Variants in FBXL17 observed in about 807,000 individuals in gnomAD.
The protein encoded by FBXL17 is F-box/LRR-repeat protein 17.
Under a neutral mutation model 66.2 loss-of-function variants are expected in FBXL17, and 22 were observed. That is an observed-to-expected ratio of 0.33 (90% CI 0.24 to 0.47). FBXL17 has a LOEUF of 0.47. Ranked by LOEUF, FBXL17 falls within the 20% of genes least tolerant of loss-of-function variation. FBXL17 has a pLI of 1.00. For missense variants in FBXL17, 878 were observed against 948.2 expected (o/e 0.93, Z 0.97); for synonymous variants, 474 against 400.5 (o/e 1.18, Z -2.19).
At chr5:108,255,888 T>G (rs1580698964) in intron 4 of FBXL17, among the ~76,000 whole-genome samples, 2 of 152,292 alleles carry the variant, frequency 1.3e-5, no homozygotes, top group East Asian at 3.9e-4. Flanking sequence ...GGATTCGACT[T>G]AGGTGAAATC....
intron 4 of FBXL17, among the ~76,000 whole-genome samples, chr5:108,346,685 C>T (rs10477889): frequency 0.28 from 42,424 of 151,950 alleles, 6,502 homozygotes; most frequent in Middle Eastern, 0.37. Flanking sequence ...TTACATATCT[C>T]CTGTAAGTCA....
At chr5:107,869,978 C>T (rs1318738423) in intron 8 of FBXL17, among the ~76,000 whole-genome samples, 1 of 152,102 alleles carries the variant, frequency 6.6e-6, no homozygotes, top group Non-Finnish European at 1.5e-5. Flanking sequence ...AAGATACAAA[C>T]AAGAATAAAG....
At chr5:108,265,702 A>T (rs1226989176) in intron 4 of FBXL17, among the ~76,000 whole-genome samples, 1 of 152,192 alleles carries the variant, frequency 6.6e-6, no homozygotes. Flanking sequence ...TCATCTTCAC[A>T]TCAGGATCTG....
At chr5:108,107,570 T>C (rs1220672259) in intron 6 of FBXL17, among the ~76,000 whole-genome samples, 1 of 151,936 alleles carries the variant, frequency 6.6e-6, no homozygotes, top group Non-Finnish European at 1.5e-5. Flanking sequence ...CCCAGCACTT[T>C]GGGAGGCCAA....
At position 108,349,160 on chromosome 5, in the gene FBXL17, T is replaced by C. The variant is rs552013735; in HGVS notation, c.1375-630A>G. ...ATATAATGCTTAAAGGAATAAATTA[T>C]GGTGTATTCATAAAACTGAATATTA... On this transcript the variant is annotated intron_variant, in intron 3 of 8. Coordinates refer to ENST00000542267, the MANE Select transcript of FBXL17 (RefSeq NM_001163315.3). Among the ~76,000 whole-genome samples, 4 of 152,300 alleles carry C rather than the reference T, an allele frequency of 2.6e-5. No homozygotes were observed. The South Asian group carries it at 6.2e-4, about 24-fold the overall frequency.
intron 4 of FBXL17, among the ~76,000 whole-genome samples, chr5:108,323,096 T>C (rs1759692560): frequency 6.6e-6 from 1 of 151,800 alleles, no homozygotes; most frequent in Admixed American, 6.6e-5. Flanking sequence ...CTGAAAGTTA[T>C]AACCAGAGAA....
At position 107,859,519 on chromosome 5, in the gene FBXL17, C is replaced by T. The variant is rs909221968; in HGVS notation, c.*2201G>A. On this transcript the variant is annotated 3_prime_UTR_variant, in exon 9 of 9. Coordinates refer to ENST00000542267, the MANE Select transcript of FBXL17 (RefSeq NM_001163315.3). Reference sequence around the variant, plus strand: ...GTTGCATCAGGCTTTCTGGATTAGTCAACATTTTAGAGAATAAGTGCAAGT... The same window carrying T: ...GTTGCATCAGGCTTTCTGGATTAGTTAACATTTTAGAGAATAAGTGCAAGT... 6.9e-6 allele frequency: 1 copy of T among 145,714 alleles called. No homozygotes were observed. The highest frequency in any genetic ancestry group is 2.5e-5 in the African/African-American group (1 of 39,446). 9.0% of individuals were successfully genotyped at this position (145,714 alleles called of 1,614,324 possible).
intron 4 of FBXL17, among the ~76,000 whole-genome samples, chr5:108,330,538 ATATTT>A (rs1298567370): frequency 6.6e-6 from 1 of 152,238 alleles, no homozygotes. Flanking sequence ...TCACCAAGAT[ATATTT>A]TAAAGAACAC....
At chr5:108,237,194 C>T (rs1354348867) in intron 4 of FBXL17, among the ~76,000 whole-genome samples, 1 of 152,180 alleles carries the variant, frequency 6.6e-6, no homozygotes, top group East Asian at 1.9e-4. Flanking sequence ...CTTAGGTATA[C>T]TCAGACTCCT....
intron 6 of FBXL17, among the ~76,000 whole-genome samples, chr5:108,087,025 G>T (rs1419472243): frequency 6.6e-6 from 1 of 151,872 alleles, no homozygotes; most frequent in Non-Finnish European, 1.5e-5. Context: ...AGAGCAAACT[G>T]AATAGGACAT....
rs751342494 is a variant in FBXL17, at chr5:107,861,847, G to A, written c.1979C>T (p.Thr660Met). Residue 660 changes from threonine to methionine, a missense_variant, in exon 9 of 9, where the codon ACG becomes ATG. This residue lies in a region of FBXL17 where 236 missense variants were observed against 389.1 expected (regional missense o/e 0.61). Transcript: ENST00000542267. Reference protein sequence around the residue: ...LMRCDKVNEVTVEQLVQQYPH... With the variant: ...LMRCDKVNEVMVEQLVQQYPH... The stretch of plus-strand genomic sequence containing the variant: ...GTACTGCTGCACCAGCTGTTCCACC[G>A]TCACTTCGTTGACCTGCAAACAAAG... 35 of 1,534,856 alleles carry A rather than the reference G, an allele frequency of 2.3e-5. No homozygotes were observed. The highest frequency in any genetic ancestry group is 3.8e-5 in the Admixed American group (2 of 52,418).
At chr5:108,142,118 G>A (rs1751372488) in intron 6 of FBXL17, among the ~76,000 whole-genome samples, 1 of 152,180 alleles carries the variant, frequency 6.6e-6, no homozygotes, top group South Asian at 2.1e-4. Context: ...AAGAAGATAA[G>A]CATATATAAA....
intron 4 of FBXL17, among the ~76,000 whole-genome samples, chr5:108,279,805 A>G (rs1447947926): frequency 6.6e-6 from 1 of 152,056 alleles, no homozygotes; most frequent in Admixed American, 6.5e-5. Context: ...GGACTAAGGA[A>G]TTCAATGAAG....
rs574874684 is a variant in FBXL17, at chr5:108,110,509, C to T, written c.1745+75608G>A. On this transcript the variant is annotated intron_variant, in intron 6 of 8. Coordinates refer to ENST00000542267, the MANE Select transcript of FBXL17 (RefSeq NM_001163315.3). ...GGAATCAGATTTTAATTAATGGGCT[C>T]TTTTTATCAAATTTGTAAACAGTTT... is the stretch of plus-strand genomic sequence containing the variant. Among the ~76,000 whole-genome samples the T allele has an allele frequency of 2.0e-5, 3 of 152,186 alleles. No individual in the cohort carries two copies. The South Asian group carries it at 6.2e-4, about 32-fold the overall frequency.
rs1748763726 is a variant in FBXL17 at position 107,880,801 on chromosome 5, TTTTC to T, written c.1965+232_1965+235del. On this transcript the variant is annotated intron_variant, in intron 8 of 8. Coordinates refer to ENST00000542267, the MANE Select transcript of FBXL17 (RefSeq NM_001163315.3). ...CTAGTTGACTATGTATATGATTACT[TTTTC>T]TTTCTACTTAAGCACAAAATTCATT... is the stretch of plus-strand genomic sequence containing the variant. 4 of 1,351,760 alleles carry T rather than the reference TTTTC, an allele frequency of 3.0e-6. No homozygotes were observed. The South Asian group carries it at 9.2e-5, about 31-fold the overall frequency. 83.7% of individuals were successfully genotyped at this position (1,351,760 alleles called of 1,614,324 possible). A position where few individuals can be genotyped will look rare whatever the true frequency, so the allele number is the denominator to read the frequency against.
At chr5:108,180,015 C>T (rs1007601488) in intron 6 of FBXL17, among the ~76,000 whole-genome samples, 5 of 151,950 alleles carry the variant, frequency 3.3e-5, no homozygotes, top group African/African-American at 1.2e-4. Flanking sequence ...AAAATGCGGG[C>T]CTAGTATTCT....
intron 7 of FBXL17, among the ~76,000 whole-genome samples, chr5:107,998,394 A>T (rs553588708): frequency 1.8e-4 from 28 of 152,298 alleles, no homozygotes; most frequent in African/African-American, 6.3e-4. Flanking sequence ...GTTAAACTTC[A>T]TTAAGAATTC....
intron 3 of FBXL17, among the ~76,000 whole-genome samples, chr5:108,363,700 G>A (rs910459295): frequency 4.0e-5 from 6 of 151,740 alleles, no homozygotes; most frequent in Admixed American, 2.6e-4. Flanking sequence ...AAATTACTAG[G>A]TATACCCTAA....
intron 6 of FBXL17, among the ~76,000 whole-genome samples, chr5:108,173,559 G>T (rs1033128877): frequency 6.6e-6 from 1 of 152,114 alleles, no homozygotes; most frequent in Admixed American, 6.5e-5. Flanking sequence ...CCTTTAACAC[G>T]TGTTTCTCTA....
Sources: gnomAD v4.1 joint callset for allele counts (sites outside exome capture counted in the v4.1 genomes callset) on GRCh38, gnomAD v4.1.1 for gene constraint, gnomAD v4.1.1 regional missense constraint, MANE v1.5 for transcripts, NCBI Gene and HGNC (gene_info 2026-07-23, HGNC 2026-07-21) for gene names.